The following KIF9 variants were observed in gnomAD, a reference collection of about 807,000 sequenced individuals.
KIF9 encodes the protein kinesin-like protein KIF9.
KIF9 carries 68 observed loss-of-function variants against 94.8 expected under a neutral mutation model. That is an observed-to-expected ratio of 0.72 (90% CI 0.59 to 0.88). KIF9 has a LOEUF of 0.88. Ranked by LOEUF, KIF9 falls within the 40% of genes least tolerant of loss-of-function variation. The pLI is 0.00. For synonymous variants in KIF9, 343 were observed against 362.1 expected (o/e 0.95, Z 0.60); for missense variants, 882 against 982.5 (o/e 0.90, Z 1.37).
At chr3:47,254,282 A>G (rs140592179) in intron 10 of KIF9, among the ~76,000 whole-genome samples, 1 of 152,254 alleles carries the variant, frequency 6.6e-6, no homozygotes, top group African/African-American at 2.4e-5. Context: ...ACATGGTGAA[A>G]CCCTGTCTCT....
In KIF9 at chr3:47,267,203, A is replaced by G; in HGVS notation, c.652T>C (p.Cys218Arg). 6.2e-7 allele frequency: 1 copy of G among 1,612,390 alleles called. No homozygotes were observed. ...TMNKNSSRSH[C>R]IFTIYLEAHS... ...ACCTCTAAGTAGATGGTGAAAATGCAGTGTGATCTGGAAGAGTTTTTGTTC... is the reference window on the plus strand; with the variant it reads ...ACCTCTAAGTAGATGGTGAAAATGCGGTGTGATCTGGAAGAGTTTTTGTTC... The change falls in exon 6 of 21, where the codon TGC (cysteine) becomes CGC (arginine). Residue 218 changes from cysteine to arginine, a missense_variant. Cys to Arg is a radical substitution (Grantham distance 180). Transcript: ENST00000684063.
chr3:47,255,093 G>C (rs1576009632), intron 10 of KIF9, among the ~76,000 whole-genome samples: 2 of 152,176 alleles, frequency 1.3e-5, no homozygotes, highest in East Asian at 3.9e-4. Flanking sequence ...GTCGAGCTTA[G>C]GGCTTACAAA....
intron 10 of KIF9, among the ~76,000 whole-genome samples, chr3:47,251,427 G>A (rs146115409): frequency 1.6e-4 from 25 of 152,186 alleles, no homozygotes; most frequent in African/African-American, 5.5e-4. Context: ...AGCTGGGTGC[G>A]GTGGCACATG....
At chr3:47,256,290 G>C (rs1700584248) in intron 10 of KIF9, among the ~76,000 whole-genome samples, 3 of 152,036 alleles carry the variant, frequency 2.0e-5, no homozygotes, top group African/African-American at 7.2e-5. Context: ...TCTCTGCCCG[G>C]CCGCCATCCC....
At chr3:47,278,743 AGGTG>A (rs2107530901) in intron 1 of KIF9, among the ~76,000 whole-genome samples, 1 of 151,462 alleles carries the variant, frequency 6.6e-6, no homozygotes, top group East Asian at 2.0e-4. Context: ...AGGCCGAGGC[AGGTG>A]GATTACCTGA....
In KIF9 at chr3:47,235,641, C is replaced by A. The variant is rs753490137; in HGVS notation, c.2218-24G>T. On this transcript the variant is annotated intron_variant, in intron 19 of 20. Coordinates refer to ENST00000684063, the MANE Select transcript of KIF9 (RefSeq NM_182902.4). ...CCCTGGGGGAGGACAGTCCCTTTAG[C>A]ATGGTATTGTCAGGATATACCCTAG... 6.4e-6 allele frequency: 10 copies of A among 1,569,988 alleles called. No homozygotes were observed. The East Asian group carries it at 2.2e-4, about 35-fold the overall frequency.
At chr3:47,281,547 C>G (rs555803028) in intron 1 of KIF9, among the ~76,000 whole-genome samples, 1 of 152,198 alleles carries the variant, frequency 6.6e-6, no homozygotes, top group Non-Finnish European at 1.5e-5. Flanking sequence ...AGGGTTTCGC[C>G]ATGTTGCCCA....
At chr3:47,235,671 G>C (rs1698968800) in intron 19 of KIF9, 54 bp from the exon 20 acceptor site, 1 of 1,417,978 alleles carries the variant, frequency 7.1e-7, no homozygotes, top group Admixed American at 1.7e-5. Flanking sequence ...CCCTAGCAGA[G>C]CCTGTGGTGT....
At chr3:47,269,491 A>T (rs1166265654) in intron 5 of KIF9, among the ~76,000 whole-genome samples, 9 of 152,198 alleles carry the variant, frequency 5.9e-5, no homozygotes, top group Non-Finnish European at 1.2e-4. Flanking sequence ...TGTGTTGCCC[A>T]GGCTGGTCTT....
intron 10 of KIF9, among the ~76,000 whole-genome samples, chr3:47,254,560 G>A (rs1700456407): frequency 2.0e-5 from 3 of 152,224 alleles, no homozygotes; most frequent in African/African-American, 7.2e-5. Context: ...GCAGTGAGCA[G>A]AGATCGTGCC....
intron 9 of KIF9, chr3:47,263,744 A>G (rs1011232943): frequency 2.4e-6 from 1 of 422,802 alleles, no homozygotes; most frequent in Non-Finnish European, 4.7e-6. Context: ...CACGTTACTT[A>G]GGACCATGGC....
intron 17 of KIF9, among the ~76,000 whole-genome samples, chr3:47,238,199 A>G (rs1699179936): frequency 6.6e-6 from 1 of 152,104 alleles, no homozygotes; most frequent in African/African-American, 2.4e-5. Context: ...GTGGCTGTCA[A>G]TAATAAGGTA....
intron 10 of KIF9, among the ~76,000 whole-genome samples, chr3:47,248,926 G>C (rs1420026108): frequency 6.6e-6 from 1 of 151,936 alleles, no homozygotes; most frequent in East Asian, 1.9e-4. Context: ...GTAGAGACAG[G>C]GGTCCTACTA....
At position 47,234,658 on chromosome 3, in the gene KIF9, G is replaced by A. The variant is rs187152581; in HGVS notation, c.2322+855C>T. 2.3e-3 allele frequency among the ~76,000 whole-genome samples: 340 copies of A among 150,512 alleles called. 8 individuals are homozygous for A. Among genetic ancestry groups the A allele is most frequent in the Admixed American group, 0.022 (333 of 15,134 alleles). ...CAACCTCTACCTCCCAGGTTCAAGCGATTCTCCTGCCTCAGCCTCTTGAGT... is the reference window on the plus strand; with the variant it reads ...CAACCTCTACCTCCCAGGTTCAAGCAATTCTCCTGCCTCAGCCTCTTGAGT... On this transcript the variant is annotated intron_variant, in intron 20 of 20. Coordinates refer to ENST00000684063, the MANE Select transcript of KIF9 (RefSeq NM_182902.4).
intron 8 of KIF9, among the ~76,000 whole-genome samples, chr3:47,264,563 A>G (rs987872224): frequency 1.3e-5 from 2 of 152,170 alleles, no homozygotes; most frequent in African/African-American, 4.8e-5. Flanking sequence ...CAGCCTCCCA[A>G]GTAGCTCGCA....
Position 47,235,704 on chromosome 3 carries a change from G to A in KIF9, c.2218-87C>T, listed in dbSNP as rs551701052. The A allele has an allele frequency of 5.6e-5, 61 of 1,092,294 alleles. No homozygotes were observed. In the Middle Eastern group the frequency reaches 1.2e-3, roughly 21 times the overall value. The allele number at this position is 1,092,294 out of a possible 1,614,324, so 67.7% of individuals were successfully genotyped here. ...TGTGCATCAGGGCAGTCCCTTGCTG[G>A]GTTTGTGCCACACACCGCCCCACCG... On this transcript the variant is annotated intron_variant, in intron 19 of 20. Transcript: ENST00000684063.
At chr3:47,271,489 C>G in intron 4 of KIF9, 28 bp from the exon 5 acceptor site, 1 of 1,584,618 alleles carries the variant, frequency 6.3e-7, no homozygotes, top group Non-Finnish European at 8.7e-7. Context: ...CAGCGGTCAC[C>G]AAGAGCAGAA....
At chr3:47,275,188 T>G in intron 3 of KIF9, 137 bp downstream of exon 3, 2 of 686,652 alleles carry the variant, frequency 2.9e-6, no homozygotes, top group South Asian at 4.2e-5. Flanking sequence ...AAACAGTAAG[T>G]TTTGCAACGT....
rs146572784 is a variant in KIF9, at chr3:47,257,761, C to CA, written c.982-202dup. The stretch of plus-strand genomic sequence containing the variant: ...CCCCATGAGAAGAGCAGGAAGGTGA[C>CA]AGAGGGCACATCCAGCAGCCTGGTC... On this transcript the variant is annotated intron_variant, in intron 9 of 20. Coordinates refer to ENST00000684063, the MANE Select transcript of KIF9 (RefSeq NM_182902.4). 2.9e-3 allele frequency among the ~76,000 whole-genome samples: 440 copies of CA among 152,296 alleles called. 3 individuals carry two copies. Among genetic ancestry groups the CA allele is most frequent in the African/African-American group, 9.8e-3 (408 of 41,548 alleles).
Sources: gnomAD v4.1 joint callset for allele counts (sites outside exome capture counted in the v4.1 genomes callset) on GRCh38, gnomAD v4.1.1 for gene constraint, MANE v1.5 for transcripts, NCBI Gene and HGNC (gene_info 2026-07-23, HGNC 2026-07-21) for gene names.